Variants in RTTN observed in about 807,000 individuals in gnomAD.
RTTN encodes rotatin.
Under a neutral mutation model 269.2 loss-of-function variants are expected in RTTN, and 182 were observed. That is an observed-to-expected ratio of 0.68 (90% CI 0.60 to 0.76). The LOEUF is 0.76. Among genes scored for constraint, RTTN ranks in the 30% least tolerant of loss-of-function variants. RTTN has a pLI of 0.00. For missense variants in RTTN, 2,545 were observed against 2,608.6 expected (o/e 0.98, Z 0.53); for synonymous variants, 1,006 against 963.5 (o/e 1.04, Z -0.82).
intron 10 of RTTN, among the ~76,000 whole-genome samples, chr18:70,182,524 G>C (rs932036301): frequency 2.6e-5 from 4 of 152,058 alleles, no homozygotes; most frequent in African/African-American, 9.7e-5. Context: ...AGGAAGAAAG[G>C]GAGAGGAAGG....
At chr18:70,184,955 A>G (rs1405994223) in intron 10 of RTTN, among the ~76,000 whole-genome samples, 1 of 152,056 alleles carries the variant, frequency 6.6e-6, no homozygotes, top group East Asian at 1.9e-4. Flanking sequence ...AAGACTTACA[A>G]TAAGCTTCAC....
At position 70,092,296 on chromosome 18, in the gene RTTN, ATTT is replaced by A; in HGVS notation, c.4033-79_4033-77del. On this transcript the variant is annotated intron_variant, in intron 29 of 48. Coordinates refer to ENST00000640769, the MANE Select transcript of RTTN (RefSeq NM_173630.4). ...AAAATGCAGGAAGGTTAAAACAAGA[ATTT>A]TTAATGAAAACAACGTGAAAATGTA... The A allele has an allele frequency of 4.3e-6, 4 of 926,588 alleles. No homozygotes were observed. In the South Asian group the frequency reaches 6.2e-5, roughly 14 times the overall value. The allele number at this position is 926,588 out of a possible 1,614,324, so 57.4% of individuals were successfully genotyped here. A position where few individuals can be genotyped will look rare whatever the true frequency, so the allele number is the denominator to read the frequency against.
At chr18:70,199,275 A>T in intron 5 of RTTN, 139 bp downstream of exon 5, 1 of 443,740 alleles carries the variant, frequency 2.3e-6, no homozygotes, top group Non-Finnish European at 3.9e-6. Flanking sequence ...CTTTTTGAAA[A>T]ATAAAAATCA....
In RTTN at chr18:70,059,769, A is replaced by G. The variant is rs545143378; in HGVS notation, c.4940+81T>C. 1.0e-5 allele frequency: 10 copies of G among 969,422 alleles called. No individual in the cohort carries two copies. In the Middle Eastern group the frequency reaches 7.3e-4, roughly 71 times the overall value. The allele number at this position is 969,422 out of a possible 1,614,324, so 60.1% of individuals were successfully genotyped here. A position where few individuals can be genotyped will look rare whatever the true frequency, so the allele number is the denominator to read the frequency against. On this transcript the variant is annotated intron_variant, in intron 36 of 48. Coordinates refer to ENST00000640769, the MANE Select transcript of RTTN (RefSeq NM_173630.4). Reference sequence around the variant, plus strand: ...TAAAGCTGTATTTCCAGGTCACAAGAAATCTTGTATCAAGTCATGAATACA... The same window carrying G: ...TAAAGCTGTATTTCCAGGTCACAAGGAATCTTGTATCAAGTCATGAATACA...
rs138851066 is a variant in RTTN at position 70,080,928 on chromosome 18, TCACACACACACACA to T, written c.4375-5401_4375-5388del. 8.4e-3 allele frequency among the ~76,000 whole-genome samples: 1,232 copies of T among 146,824 alleles called. 12 individuals are homozygous for T. Among genetic ancestry groups the T allele is most frequent in the Middle Eastern group, 0.017 (5 of 290 alleles). On this transcript the variant is annotated intron_variant, in intron 32 of 48. Coordinates refer to ENST00000640769, the MANE Select transcript of RTTN (RefSeq NM_173630.4). ...AGTGGATAAACTGGTGTGTGTGGTA[TCACACACACACACA>T]CACACACACACACACACACACACAC...
At chr18:70,122,466 T>C (rs1333764060) in intron 25 of RTTN, among the ~76,000 whole-genome samples, 4 of 152,124 alleles carry the variant, frequency 2.6e-5, no homozygotes. Context: ...CGAATCTTAA[T>C]ACTCAGCATT....
chr18:70,095,145 T>G (rs572206568), intron 28 of RTTN, among the ~76,000 whole-genome samples: 1 of 150,024 alleles, frequency 6.7e-6, no homozygotes, highest in South Asian at 2.1e-4. Context: ...TTTCTTTCCA[T>G]TTGCTTGGTA....
chr18:70,100,619 T>C (rs919621838), intron 28 of RTTN, among the ~76,000 whole-genome samples: 2 of 152,174 alleles, frequency 1.3e-5, no homozygotes, highest in African/African-American at 4.8e-5. Flanking sequence ...CACTGTTGAA[T>C]AGGAGTGGTG....
intron 40 of RTTN, among the ~76,000 whole-genome samples, chr18:70,032,858 G>C (rs1228230217): frequency 6.6e-6 from 1 of 152,174 alleles, no homozygotes; most frequent in Non-Finnish European, 1.5e-5. Flanking sequence ...CTCCCCACCA[G>C]AATACAACAG....
intron 33 of RTTN, 27 bp from the exon 34 acceptor site, chr18:70,074,021 T>G: frequency 2.8e-6 from 4 of 1,435,136 alleles, no homozygotes; most frequent in South Asian, 1.1e-5. Flanking sequence ...ATTGTTAACA[T>G]GGACACCCTC....
At chr18:70,044,458 A>G (rs2057435388) in intron 40 of RTTN, among the ~76,000 whole-genome samples, 1 of 152,206 alleles carries the variant, frequency 6.6e-6, no homozygotes, top group Non-Finnish European at 1.5e-5. Context: ...TGAGCACAGT[A>G]GGCCCCTTTA....
At position 70,114,585 on chromosome 18, in the gene RTTN, C is replaced by T. The variant is rs771580859; in HGVS notation, c.3543G>A (p.Leu1181=). Residue 1181 remains leucine (L), a synonymous_variant, in exon 27 of 49, where the codon CTG becomes CTA. Coordinates refer to ENST00000640769, the MANE Select transcript of RTTN (RefSeq NM_173630.4). ...ELLLRHSANP[L]LDLLVLTESQ... ...ACTCTGTCAGAACCAAGAGGTCTAA[C>T]AGTGGGTTTGCACTCTAAAAAATGA... 3 of 1,612,660 alleles carry T rather than the reference C, an allele frequency of 1.9e-6. No individual in the cohort carries two copies. In the African/African-American group the frequency reaches 4.0e-5, roughly 22 times the overall value.
intron 27 of RTTN, among the ~76,000 whole-genome samples, chr18:70,110,801 G>T (rs967484186): frequency 2.0e-5 from 3 of 152,220 alleles, no homozygotes; most frequent in Non-Finnish European, 4.4e-5. Flanking sequence ...AGCAAACTAA[G>T]ATTCACTGGC....
intron 34 of RTTN, among the ~76,000 whole-genome samples, chr18:70,071,403 A>T (rs968363858): frequency 6.6e-6 from 1 of 152,222 alleles, no homozygotes; most frequent in South Asian, 2.1e-4. Context: ...AATTTAAAAA[A>T]ATACAGACAT....
rs185738618 is a variant in RTTN, at chr18:70,052,774, C to T, written c.5186-1226G>A. On this transcript the variant is annotated intron_variant, in intron 38 of 48. Coordinates refer to ENST00000640769, the MANE Select transcript of RTTN (RefSeq NM_173630.4). The stretch of plus-strand genomic sequence containing the variant: ...TTTTTTCAGAAAAAAATTTTAAAAA[C>T]TTCTTTAAAAATATTCTTAGTGAAC... 4.9e-3 allele frequency among the ~76,000 whole-genome samples: 745 copies of T among 151,188 alleles called. 5 individuals are homozygous for T. The highest frequency in any genetic ancestry group is 0.017 in the African/African-American group (704 of 41,392).
intron 40 of RTTN, among the ~76,000 whole-genome samples, chr18:70,035,366 T>C (rs1425162597): frequency 2.0e-5 from 3 of 152,068 alleles, no homozygotes; most frequent in South Asian, 2.1e-4. Context: ...AATAAACACA[T>C]AGACCGATGG....
chr18:70,061,450 T>C, intron 35 of RTTN: 1 of 456,132 alleles, frequency 2.2e-6, no homozygotes, highest in Non-Finnish European at 4.4e-6. Flanking sequence ...ACTAAATGTA[T>C]ACATTGCTAT....
intron 40 of RTTN, among the ~76,000 whole-genome samples, chr18:70,042,445 T>C (rs1368106966): frequency 6.9e-6 from 1 of 145,882 alleles, no homozygotes; most frequent in Non-Finnish European, 1.5e-5. Context: ...GCGTGATCTC[T>C]GCTCACTGCA....
chr18:70,201,607 CAAAAAA>C (rs34966295), intron 4 of RTTN, among the ~76,000 whole-genome samples: 19 of 41,004 alleles, frequency 4.6e-4, no homozygotes, highest in Non-Finnish European at 6.7e-4. Context: ...GACTCCATCT[CAAAAAA>C]AAAAAAAAAA....
Sources: allele counts gnomAD v4.1 joint callset (sites outside exome capture counted in the v4.1 genomes callset), GRCh38; gene constraint gnomAD v4.1.1; transcripts MANE v1.5; gene names NCBI Gene and HGNC (gene_info 2026-07-23, HGNC 2026-07-21).